The following ZNF678 variants were observed in gnomAD, a reference collection of about 807,000 sequenced individuals.
ZNF678 encodes zinc finger protein 678.
A neutral mutation model predicts 3.0 loss-of-function variants in ZNF678; 5 were observed. The ratio of observed to expected loss-of-function variants is 1.69; its 90% CI spans 0.88 to 3.56. The LOEUF (loss-of-function observed/expected upper bound fraction) is 3.56. ZNF678 is among the 30% of genes most tolerant of loss of function. The probability of loss-of-function intolerance (pLI) is 0.00; values close to 1 mark genes in which losing one functional copy is unlikely to be tolerated. For synonymous variants in ZNF678, 218 were observed against 199.6 expected, an observed-to-expected ratio of 1.09 and a Z score of -0.78; for missense variants, 593 against 605.0, an observed-to-expected ratio of 0.98 and a Z score of 0.21.
At chr1:227,605,263 C>T (rs568253086) in intron 1 of ZNF678, among the ~76,000 whole-genome samples, 3 of 152,246 alleles carry the variant, frequency 2.0e-5, no homozygotes, top group South Asian at 4.1e-4. Context: ...AGCTAGTGTA[C>T]AGAAATACAG....
At chr1:227,596,804 A>G (rs889888546) in intron 1 of ZNF678, among the ~76,000 whole-genome samples, 1 of 152,230 alleles carries the variant, frequency 6.6e-6, no homozygotes, top group Non-Finnish European at 1.5e-5. Context: ...AGGATGTGCT[A>G]AATATAGTGG....
chr1:227,670,795 A>C (rs774045924), intron 5 of ZNF678, among the ~76,000 whole-genome samples: 1 of 152,086 alleles, frequency 6.6e-6, no homozygotes, highest in Non-Finnish European at 1.5e-5. Flanking sequence ...CAGGATTTTT[A>C]AGCCCCCATT....
At chr1:227,669,712 A>C (rs35522988) in intron 5 of ZNF678, among the ~76,000 whole-genome samples, 237 of 152,134 alleles carry the variant, frequency 1.6e-3, no homozygotes, top group Non-Finnish European at 2.8e-3. Flanking sequence ...AACACATGCT[A>C]TCAAGGCTGC....
chr1:227,597,991 A>G (rs993323927), intron 1 of ZNF678, among the ~76,000 whole-genome samples: 1 of 152,212 alleles, frequency 6.6e-6, no homozygotes, highest in Admixed American at 6.5e-5. Context: ...GGAAAAAATT[A>G]AAATATGCTT....
At chr1:227,613,212 T>C (rs1277138673) in intron 1 of ZNF678, among the ~76,000 whole-genome samples, 1 of 152,210 alleles carries the variant, frequency 6.6e-6, no homozygotes, top group African/African-American at 2.4e-5. Context: ...CCATTCCCAG[T>C]GGCCAACCCA....
intron 1 of ZNF678, among the ~76,000 whole-genome samples, chr1:227,643,231 A>C (rs1045649367): frequency 6.6e-6 from 1 of 152,094 alleles, no homozygotes; most frequent in African/African-American, 2.4e-5. Flanking sequence ...GGTGGCAGTA[A>C]ATGCTTTTAC....
chr1:227,655,416 TCTCAAGCCTTA>T lies in ZNF678; in HGVS notation c.1172_1182del (p.Ser391ThrfsTer2), dbSNP rs1249155415. 6.2e-7 allele frequency: 1 copy of T among 1,611,092 alleles called. No homozygotes were observed. The stretch of plus-strand genomic sequence containing the variant: ...GAATGTGGCAAAGCGTTTAACAAGT[TCTCAAGCCTTA>T]CTCAACATAGGAGAATTCATACTGG... On this transcript the variant is annotated frameshift_variant, in exon 4 of 4. Transcript: ENST00000343776. LOFTEE classifies it low-confidence loss of function (END_TRUNC).
chr1:227,596,247 T>C (rs972155112), intron 1 of ZNF678, among the ~76,000 whole-genome samples: 1 of 152,196 alleles, frequency 6.6e-6, no homozygotes, highest in Non-Finnish European at 1.5e-5. Flanking sequence ...ATCACCTCAC[T>C]TCCCAGTCAG....
At chr1:227,643,794 A>C (rs896652332) in intron 1 of ZNF678, among the ~76,000 whole-genome samples, 29 of 151,740 alleles carry the variant, frequency 1.9e-4, no homozygotes, top group African/African-American at 7.0e-4. Flanking sequence ...CCTATATGCC[A>C]CACTTATTTC....
chr1:227,590,814 A>C (rs1211545336), intron 1 of ZNF678, among the ~76,000 whole-genome samples: 2 of 151,664 alleles, frequency 1.3e-5, no homozygotes, highest in African/African-American at 4.9e-5. Flanking sequence ...CAGCTTTGGA[A>C]ATTTACTCTG....
chr1:227,653,542 G>A, intron 3 of ZNF678, among the ~76,000 whole-genome samples: 1 of 151,836 alleles, frequency 6.6e-6, no homozygotes, highest in Admixed American at 6.6e-5. Context: ...TGCATATGTT[G>A]TAATCTTTGG....
intron 1 of ZNF678, among the ~76,000 whole-genome samples, chr1:227,570,906 G>C (rs1656823226): frequency 6.6e-6 from 1 of 152,218 alleles, no homozygotes; most frequent in East Asian, 1.9e-4. Context: ...GTAAGATTAA[G>C]TTTAGTGCAG....
intron 1 of ZNF678, among the ~76,000 whole-genome samples, chr1:227,566,542 G>T (rs932236251): frequency 6.6e-6 from 1 of 152,206 alleles, no homozygotes; most frequent in African/African-American, 2.4e-5. Context: ...TGAGCAGAAT[G>T]AGGGGTGGGA....
At chr1:227,627,045 C>T (rs1658436894) in intron 1 of ZNF678, among the ~76,000 whole-genome samples, 1 of 148,838 alleles carries the variant, frequency 6.7e-6, no homozygotes, top group Admixed American at 6.8e-5. Context: ...TGCCAGTCTT[C>T]TCCTGGGTAA....
chr1:227,600,361 T>C (rs1490233278), intron 1 of ZNF678, among the ~76,000 whole-genome samples: 3 of 152,220 alleles, frequency 2.0e-5, no homozygotes, highest in Non-Finnish European at 4.4e-5. Context: ...GCAGTTCTTT[T>C]TTTCAGTCTT....
intron 1 of ZNF678, among the ~76,000 whole-genome samples, chr1:227,601,659 G>T (rs1184630735): frequency 6.6e-6 from 1 of 152,060 alleles, no homozygotes; most frequent in Non-Finnish European, 1.5e-5. Flanking sequence ...CCACCTCCCA[G>T]GTTCAAGCGA....
intron 1 of ZNF678, chr1:227,598,301 T>A (rs1179970114): frequency 9.3e-7 from 1 of 1,075,410 alleles, no homozygotes; most frequent in East Asian, 3.5e-5. Context: ...TACTGAATAG[T>A]CCAGGAATAA....
Position 227,589,272 on chromosome 1 carries a change from G to A in ZNF678, c.-164+25548G>A, listed in dbSNP as rs1657345558. Reference sequence around the variant, plus strand: ...TTTCTTCTAGGGTTTTTATAGTTTTGGGTTTTACAAATGTAAAAGTCTTTA... The same window carrying A: ...TTTCTTCTAGGGTTTTTATAGTTTTAGGTTTTACAAATGTAAAAGTCTTTA... On this transcript the variant is annotated intron_variant, in intron 1 of 3. Coordinates refer to ENST00000343776, the MANE Select transcript of ZNF678 (RefSeq NM_001367909.1). Among the ~76,000 whole-genome samples, 3 of 151,682 alleles carry A rather than the reference G, an allele frequency of 2.0e-5. No individual in the cohort carries two copies. The South Asian group carries it at 6.3e-4, about 32-fold the overall frequency.
chr1:227,631,928 C>T (rs1658557046), intron 1 of ZNF678, among the ~76,000 whole-genome samples: 1 of 152,228 alleles, frequency 6.6e-6, no homozygotes, highest in Non-Finnish European at 1.5e-5. Flanking sequence ...TAGGAGTATG[C>T]ACCTCACTTT....
Sources: gnomAD v4.1 joint callset for allele counts (sites outside exome capture counted in the v4.1 genomes callset) on GRCh38, gnomAD v4.1.1 for gene constraint, MANE v1.5 for transcripts, NCBI Gene and HGNC (gene_info 2026-07-23, HGNC 2026-07-21) for gene names.